The following ROCK2 variants were observed in gnomAD, a reference collection of about 807,000 sequenced individuals.
The protein encoded by ROCK2 is Rho associated coiled-coil containing protein kinase 2.
A neutral mutation model predicts 195.1 loss-of-function variants in ROCK2; 61 were observed. That is an observed-to-expected ratio of 0.31 (90% CI 0.25 to 0.39). The LOEUF (loss-of-function observed/expected upper bound fraction) is 0.39. Among genes scored for constraint, ROCK2 ranks in the 10% least tolerant of loss-of-function variants. The pLI, the probability that ROCK2 is intolerant of heterozygous loss-of-function variation, is 1.00. For synonymous variants in ROCK2, 504 were observed against 545.5 expected (o/e 0.92, Z 1.06); for missense variants, 1,109 against 1,637.4 (o/e 0.68, Z 5.57).
At position 11,201,344 on chromosome 2, in the gene ROCK2, A is replaced by G. The variant is rs999961076; in HGVS notation, c.2689T>C (p.Leu897=). ...TGTAATTCCTGTTTCTTCTGCTGCA[A>G]TTCTTTACCAAGTTTGGTCTTTTCT... ...CEEKTKLGKE[L]QQKKQELQDE... Residue 897 remains leucine (L), a synonymous_variant, in exon 22 of 33, where the codon TTG becomes CTG. Coordinates refer to ENST00000315872, the MANE Select transcript of ROCK2 (RefSeq NM_004850.5). This position sits in a 1 kb window ranked among gnomAD's most constrained non-coding sequence, Gnocchi z 4.6. 6.2e-6 allele frequency: 10 copies of G among 1,613,138 alleles called. No individual in the cohort carries two copies. Among genetic ancestry groups the G allele is most frequent in the African/African-American group, 1.3e-5 (1 of 75,034 alleles).
At chr2:11,195,700 C>T (rs202238500) in intron 27 of ROCK2, among the ~76,000 whole-genome samples, 1 of 152,014 alleles carries the variant, frequency 6.6e-6, no homozygotes, top group South Asian at 2.1e-4. Context: ...TTTTTAGTAG[C>T]GATGGGGTTT....
chr2:11,290,058 C>T (rs193263221), intron 1 of ROCK2, among the ~76,000 whole-genome samples: 9 of 152,058 alleles, frequency 5.9e-5, no homozygotes, highest in African/African-American at 1.7e-4. Flanking sequence ...GAGGCCTTTA[C>T]GTTTATAATT....
In ROCK2 at chr2:11,218,573, A is replaced by G. The variant is rs887604465; in HGVS notation, c.1321-107T>C. 125 of 724,690 alleles carry G rather than the reference A, an allele frequency of 1.7e-4. 1 individual carries two copies. The Middle Eastern group carries it at 2.2e-3, about 13-fold the overall frequency. 44.9% of individuals were successfully genotyped at this position (724,690 alleles called of 1,614,324 possible). The stretch of plus-strand genomic sequence containing the variant: ...ACAAAATTATCCAACCTAATGCTTT[A>G]GCTTTCATAAGTTTGAAGAAAAAAT... On this transcript the variant is annotated intron_variant, in intron 10 of 32. Transcript: ENST00000315872.
intron 1 of ROCK2, among the ~76,000 whole-genome samples, chr2:11,326,444 A>G (rs1242660165): frequency 6.6e-6 from 1 of 152,250 alleles, no homozygotes; most frequent in East Asian, 1.9e-4. Flanking sequence ...TTAGTGAATG[A>G]TGAGAGAAGA....
chr2:11,287,514 AAATC>A (rs1558361703), intron 2 of ROCK2, 137 bp downstream of exon 2: 12 of 357,540 alleles, frequency 3.4e-5, no homozygotes, highest in Admixed American at 3.3e-4. Flanking sequence ...ATTTTTGAAT[AAATC>A]AAATGGTAAG....
chr2:11,246,632 A>G (rs1420668168), intron 4 of ROCK2, among the ~76,000 whole-genome samples: 1 of 152,184 alleles, frequency 6.6e-6, no homozygotes, highest in Admixed American at 6.5e-5. Flanking sequence ...TATATTTCTA[A>G]GAAATACAGA....
intron 3 of ROCK2, among the ~76,000 whole-genome samples, chr2:11,260,497 TA>T: frequency 6.7e-6 from 1 of 149,732 alleles, no homozygotes; most frequent in East Asian, 2.0e-4. Flanking sequence ...CCTTCTTCTA[TA>T]TATATTTACA....
intron 5 of ROCK2, among the ~76,000 whole-genome samples, chr2:11,231,222 G>C (rs1212070768): frequency 7.3e-6 from 1 of 137,518 alleles, no homozygotes; most frequent in East Asian, 2.1e-4. Flanking sequence ...TTTTCTTTTT[G>C]AGACAGAGTC....
chr2:11,217,655 A>C (rs1664479478), intron 11 of ROCK2: 1 of 170,098 alleles, frequency 5.9e-6, no homozygotes, highest in Non-Finnish European at 1.2e-5. Context: ...TGGTCATATT[A>C]CCGAGGAGTA....
rs1158824011 is a variant in ROCK2, at chr2:11,180,382, GT to G, written c.*3054del. ...ATTCATGTAACTCTAACACAGGTTA[GT>G]TTTAAAGGCACTAACCTTTACTTTG... is the stretch of plus-strand genomic sequence containing the variant. On this transcript the variant is annotated 3_prime_UTR_variant, in exon 33 of 33. Coordinates refer to ENST00000315872, the MANE Select transcript of ROCK2 (RefSeq NM_004850.5). 6.6e-6 allele frequency: 1 copy of G among 152,176 alleles called. No homozygotes were observed. Among genetic ancestry groups the G allele is most frequent in the East Asian group, 1.9e-4 (1 of 5,198 alleles). 9.4% of individuals were successfully genotyped at this position (152,176 alleles called of 1,614,324 possible). A position where few individuals can be genotyped will look rare whatever the true frequency, so the allele number is the denominator to read the frequency against.
intron 3 of ROCK2, among the ~76,000 whole-genome samples, chr2:11,263,670 C>CAT (rs757978869): frequency 7.4e-6 from 1 of 135,218 alleles, no homozygotes; most frequent in Non-Finnish European, 1.7e-5. Context: ...CACACACACA[C>CAT]ACAAAAAAAA....
At chr2:11,263,023 T>C (rs1399794431) in intron 3 of ROCK2, among the ~76,000 whole-genome samples, 2 of 152,046 alleles carry the variant, frequency 1.3e-5, no homozygotes, top group Admixed American at 1.3e-4. Flanking sequence ...CAAGATCAAA[T>C]GGGGGATACA....
chr2:11,334,019 T>C (rs1668846990), intron 1 of ROCK2, among the ~76,000 whole-genome samples: 1 of 152,178 alleles, frequency 6.6e-6, no homozygotes, highest in African/African-American at 2.4e-5. Context: ...CAAATCACAA[T>C]TTGCTTTTCC....
intron 1 of ROCK2, among the ~76,000 whole-genome samples, chr2:11,294,186 AAGAG>A (rs541659940): frequency 6.6e-6 from 1 of 152,092 alleles, no homozygotes; most frequent in African/African-American, 2.4e-5. Flanking sequence ...AAGTAAGACA[AAGAG>A]AGAGAGAAAG....
chr2:11,281,134 TA>T (rs1419239864), intron 3 of ROCK2, among the ~76,000 whole-genome samples: 5 of 121,766 alleles, frequency 4.1e-5, no homozygotes, highest in Non-Finnish European at 8.2e-5. Flanking sequence ...ACCAACAGGC[TA>T]AAAAAGAAAG....
At position 11,193,840 on chromosome 2, in the gene ROCK2, C is replaced by T. The variant is rs995767688; in HGVS notation, c.3626G>A (p.Arg1209Gln). 5 of 1,592,906 alleles carry T rather than the reference C, an allele frequency of 3.1e-6. No homozygotes were observed. Among genetic ancestry groups the T allele is most frequent in the South Asian group, 1.1e-5 (1 of 88,324 alleles). Residue 1209 changes from arginine (R) to glutamine (Q), a missense_variant, in exon 30 of 33, where the codon CGA becomes CAA. By Grantham distance (43) the Arg-to-Gln change is conservative. Transcript: ENST00000315872. ...ATACACATCTGTCTGTGTAACTGGTCGGACATGAAATAACTTGCTATAAAA... is the reference window on the plus strand; with the variant it reads ...ATACACATCTGTCTGTGTAACTGGTTGGACATGAAATAACTTGCTATAAAA... ...VLDIDKLFHV[R>Q]PVTQTDVYRA...
At chr2:11,282,607 CAAA>C (rs70953381) in intron 3 of ROCK2, among the ~76,000 whole-genome samples, 11 of 123,372 alleles carry the variant, frequency 8.9e-5, no homozygotes, top group African/African-American at 2.6e-4. Context: ...TATCTACATG[CAAA>C]AAAAAAAAAA....
intron 1 of ROCK2, among the ~76,000 whole-genome samples, chr2:11,330,677 A>G (rs1408833896): frequency 6.9e-6 from 1 of 144,222 alleles, no homozygotes; most frequent in African/African-American, 2.5e-5. Context: ...GCGTCTCAAA[A>G]AAGTCTCAAA....
Position 11,183,399 on chromosome 2 carries a change from C to T in ROCK2, c.*38G>A, listed in dbSNP as rs754318751. 13 of 1,569,586 alleles carry T rather than the reference C, an allele frequency of 8.3e-6. No homozygotes were observed. Among genetic ancestry groups the T allele is most frequent in the Admixed American group, 5.6e-5 (3 of 53,416 alleles). ...CAGTCTTGTTTTCACTGGAAGAATA[C>T]GATCACCTTGAATAATGACTGCTTT... On this transcript the variant is annotated 3_prime_UTR_variant, in exon 33 of 33. Coordinates refer to ENST00000315872, the MANE Select transcript of ROCK2 (RefSeq NM_004850.5).
Sources: allele counts gnomAD v4.1 joint callset (sites outside exome capture counted in the v4.1 genomes callset), GRCh38; gene constraint gnomAD v4.1.1; non-coding constraint Gnocchi (gnomAD v3.1); transcripts MANE v1.5; gene names NCBI Gene and HGNC (gene_info 2026-07-23, HGNC 2026-07-21).